The following EFL1 variants were observed in gnomAD, a reference collection of about 807,000 sequenced individuals.
EFL1 encodes the protein elongation factor-like GTPase 1.
EFL1 carries 76 observed loss-of-function variants against 126.7 expected under a neutral mutation model. The observed-to-expected ratio is 0.60, with a 90% CI of 0.50 to 0.73. The LOEUF (loss-of-function observed/expected upper bound fraction) is 0.73. EFL1 is among the 30% of genes least tolerant of loss of function. The pLI is 0.00. For synonymous variants in EFL1, 410 were observed against 448.4 expected, an observed-to-expected ratio of 0.91 and a Z score of 1.08; for missense variants, 1,128 against 1,343.2, an observed-to-expected ratio of 0.84 and a Z score of 2.50.
intron 15 of EFL1, among the ~76,000 whole-genome samples, chr15:82,204,695 T>G (rs145164307): frequency 0.022 from 3,420 of 152,316 alleles, 113 homozygotes; most frequent in East Asian, 0.096. Flanking sequence ...TCCTTGAGCA[T>G]GACCTTTGCT....
At chr15:82,201,633 C>T (rs2074468929) in intron 15 of EFL1, among the ~76,000 whole-genome samples, 1 of 145,418 alleles carries the variant, frequency 6.9e-6, no homozygotes. Flanking sequence ...ATTTGTGAAC[C>T]ATTATTTTGT....
chr15:82,169,798 G>A (rs941223894), intron 15 of EFL1, among the ~76,000 whole-genome samples: 1 of 152,070 alleles, frequency 6.6e-6, no homozygotes, highest in Non-Finnish European at 1.5e-5. Context: ...GTCTTTCAAT[G>A]AGTTCAGTTT....
chr15:82,205,544 A>G (rs929934057), intron 15 of EFL1, among the ~76,000 whole-genome samples: 2 of 151,272 alleles, frequency 1.3e-5, no homozygotes, highest in Admixed American at 6.6e-5. Flanking sequence ...GTAAATACAC[A>G]CACACACACA....
chr15:82,179,464 T>C (rs1247022023), intron 15 of EFL1, among the ~76,000 whole-genome samples: 1 of 152,118 alleles, frequency 6.6e-6, no homozygotes, highest in Admixed American at 6.6e-5. Context: ...CCTACTTTAC[T>C]AATGAGGAAT....
intron 15 of EFL1, among the ~76,000 whole-genome samples, chr15:82,166,890 G>T (rs1227494564): frequency 2.6e-5 from 4 of 152,108 alleles, no homozygotes. Flanking sequence ...TAGGGACAAA[G>T]AATTTCTTCA....
Position 82,157,720 on chromosome 15 carries a change from T to A in EFL1, c.2023A>T (p.Lys675Ter). The change falls in exon 17 of 20, where the codon AAA (lysine) becomes TAA (stop). Residue 675 changes from lysine (K) to a stop codon, truncating the protein, a stop_gained. Transcript: ENST00000268206. LOFTEE classifies it high-confidence loss of function. ...CTATCATTTTCACCTAACCTTTCTT[T>A]TAAGTCATCCAGGCATCGCTGAAGG... Reference protein sequence around the residue: ...VHLQRCLDDLKERFAKIHISV... With the variant: ...VHLQRCLDDL 1 of 1,612,020 alleles carries A rather than the reference T, an allele frequency of 6.2e-7. No homozygotes were observed. The highest frequency in any genetic ancestry group is 8.5e-7 in the Non-Finnish European group (1 of 1,178,876).
intron 15 of EFL1, among the ~76,000 whole-genome samples, chr15:82,171,600 C>T (rs906604521): frequency 6.6e-6 from 1 of 152,128 alleles, no homozygotes; most frequent in Non-Finnish European, 1.5e-5. Flanking sequence ...AACCTGAAAG[C>T]ACAAATCATA....
intron 15 of EFL1, among the ~76,000 whole-genome samples, chr15:82,190,686 G>GA (rs2074350208): frequency 1.3e-5 from 2 of 152,078 alleles, no homozygotes; most frequent in African/African-American, 4.8e-5. Context: ...ATCACAATAA[G>GA]GGATTTTACT....
rs148880557 is a variant in EFL1 at position 82,247,187 on chromosome 15, A to C, written c.244+5504T>G. On this transcript the variant is annotated intron_variant, in intron 4 of 19. Transcript: ENST00000268206. ...GGTACCTCATTAATCAGGTGAAAGAAAGAGCTGGGAGAATCAAAGATTGTA... is the reference window on the plus strand; with the variant it reads ...GGTACCTCATTAATCAGGTGAAAGACAGAGCTGGGAGAATCAAAGATTGTA... Among the ~76,000 whole-genome samples the C allele has an allele frequency of 2.9e-3, 441 of 152,246 alleles. 4 individuals carry two copies. Among genetic ancestry groups the C allele is most frequent in the African/African-American group, 0.01 (425 of 41,498 alleles).
At chr15:82,207,645 T>C (rs937793410) in intron 15 of EFL1, among the ~76,000 whole-genome samples, 2 of 152,078 alleles carry the variant, frequency 1.3e-5, no homozygotes, top group African/African-American at 2.4e-5. Flanking sequence ...AAAAGACTGA[T>C]GGTTACCCCT....
chr15:82,202,628 G>A (rs1442516919), intron 15 of EFL1, among the ~76,000 whole-genome samples: 2 of 152,190 alleles, frequency 1.3e-5, no homozygotes, highest in Admixed American at 6.5e-5. Context: ...CAGAGAGGTT[G>A]AAGAGAAGAT....
intron 15 of EFL1, among the ~76,000 whole-genome samples, chr15:82,199,637 G>A (rs1258611922): frequency 1.3e-5 from 2 of 152,126 alleles, no homozygotes; most frequent in Non-Finnish European, 2.9e-5. Flanking sequence ...GCTCCCTAGT[G>A]AACTTATTTA....
intron 18 of EFL1, 85 bp downstream of exon 18, chr15:82,151,380 C>G: frequency 7.6e-7 from 1 of 1,308,992 alleles, no homozygotes; most frequent in South Asian, 1.4e-5. Flanking sequence ...AGAATGAGAC[C>G]CTGTCTCAAA....
At position 82,130,536 on chromosome 15, in the gene EFL1, A is replaced by C. The variant is rs1229386339; in HGVS notation, c.3200T>G (p.Val1067Gly). 18 of 1,613,952 alleles carry C rather than the reference A, an allele frequency of 1.1e-5. No homozygotes were observed. The highest frequency in any genetic ancestry group is 1.3e-5 in the Non-Finnish European group (15 of 1,180,026). The stretch of plus-strand genomic sequence containing the variant: ...CAAGTATTCCTCCTCAGTAGTTGGC[A>C]CCCAGAAGGGGTCACTGGGAATGAT... ...WEIIPSDPFW[V>G]PTTEEEYLHF... Residue 1067 changes from valine to glycine, a missense_variant, in exon 20 of 20, where the codon GTG (valine) becomes GGG (glycine). Transcript: ENST00000268206.
At chr15:82,181,644 G>A (rs72749555) in intron 15 of EFL1, among the ~76,000 whole-genome samples, 15,864 of 151,128 alleles carry the variant, frequency 0.1, 1,056 homozygotes, top group Admixed American at 0.15. Context: ...GTGTGTGTGT[G>A]TATATATATA....
intron 7 of EFL1, among the ~76,000 whole-genome samples, chr15:82,236,136 AACT>A (rs1445352013): frequency 6.6e-6 from 1 of 152,204 alleles, no homozygotes; most frequent in Non-Finnish European, 1.5e-5. Context: ...GGATGCTGAA[AACT>A]ACAAAATGCT....
At chr15:82,190,049 G>A (rs1468607698) in intron 15 of EFL1, among the ~76,000 whole-genome samples, 5 of 151,524 alleles carry the variant, frequency 3.3e-5, no homozygotes, top group East Asian at 1.9e-4. Context: ...CCCGGGAGGC[G>A]GAGGTTGCAG....
intron 4 of EFL1, among the ~76,000 whole-genome samples, chr15:82,251,107 G>A (rs117095191): frequency 0.045 from 6,783 of 152,214 alleles, 260 homozygotes; most frequent in Non-Finnish European, 0.061. Context: ...AGCTTCCCAG[G>A]AGGCTGAGGC....
At chr15:82,141,071 A>G (rs2073781581) in intron 18 of EFL1, among the ~76,000 whole-genome samples, 1 of 152,126 alleles carries the variant, frequency 6.6e-6, no homozygotes, top group Admixed American at 6.5e-5. Flanking sequence ...CAGCTGTCTC[A>G]TGTTCACTTT....
Sources: allele counts gnomAD v4.1 joint callset (sites outside exome capture counted in the v4.1 genomes callset), GRCh38; gene constraint gnomAD v4.1.1; transcripts MANE v1.5; gene names NCBI Gene and HGNC (gene_info 2026-07-23, HGNC 2026-07-21).